CNTN3: variants seen among roughly 807,000 people sequenced by gnomAD.
The protein encoded by CNTN3 is contactin 3.
In CNTN3, 60 loss-of-function variants were observed where a neutral mutation model predicts 119.1. That is an observed-to-expected ratio of 0.50 (90% CI 0.41 to 0.62). The LOEUF is 0.62. Ranked by LOEUF, CNTN3 falls within the 20% of genes least tolerant of loss-of-function variation. The pLI is 0.00. For missense variants in CNTN3, 1,101 were observed against 1,242.4 expected, an observed-to-expected ratio of 0.89 and a Z score of 1.71; for synonymous variants, 450 against 438.7, an observed-to-expected ratio of 1.03 and a Z score of -0.32.
chr3:74,285,325 T>C lies in CNTN3; in HGVS notation c.2684A>G (p.Asn895Ser), dbSNP rs556456657. 1.4e-5 allele frequency: 22 copies of C among 1,608,078 alleles called. No homozygotes were observed. In the African/African-American group the frequency reaches 2.6e-4, roughly 19 times the overall value. ...CTTACGCGTTTTCTTGGTGGTTACA[T>C]TAACTGTGGCGCTAAAAGGCCCAGC... ...AGAGPFSATV[N>S]VTTKKTPPSQ... Residue 895 changes from asparagine (N) to serine (S), a missense_variant, in exon 20 of 23, where the codon AAT (asparagine) becomes AGT (serine). Coordinates refer to ENST00000263665, the MANE Select transcript of CNTN3 (RefSeq NM_020872.3).
intron 11 of CNTN3, among the ~76,000 whole-genome samples, chr3:74,353,198 A>T (rs1703856090): frequency 6.6e-6 from 1 of 151,474 alleles, no homozygotes; most frequent in Non-Finnish European, 1.5e-5. Context: ...ATAGTGACAG[A>T]GTTTCTAGAC....
At chr3:74,389,816 A>G (rs926723218) in intron 5 of CNTN3, among the ~76,000 whole-genome samples, 2 of 152,132 alleles carry the variant, frequency 1.3e-5, no homozygotes, top group Non-Finnish European at 2.9e-5. Flanking sequence ...TCTCCTTCCT[A>G]AATCCAAGCT....
At chr3:74,458,554 A>C (rs1046501949) in intron 4 of CNTN3, among the ~76,000 whole-genome samples, 1 of 152,060 alleles carries the variant, frequency 6.6e-6, no homozygotes, top group Admixed American at 6.6e-5. Context: ...AGAACTCAGT[A>C]GCTATGAGAC....
chr3:74,430,913 G>C (rs969720420), intron 4 of CNTN3, among the ~76,000 whole-genome samples: 1 of 151,906 alleles, frequency 6.6e-6, no homozygotes, highest in Non-Finnish European at 1.5e-5. Context: ...GAAGTGGCTT[G>C]CTGACCCCGC....
intron 2 of CNTN3, among the ~76,000 whole-genome samples, chr3:74,501,697 C>T (rs1703169306): frequency 6.6e-6 from 1 of 152,058 alleles, no homozygotes; most frequent in African/African-American, 2.4e-5. Flanking sequence ...CCTTACTAAT[C>T]CCCACCATCC....
At chr3:74,583,273 T>C (rs758359549) in intron 1 of CNTN3, among the ~76,000 whole-genome samples, 20 of 151,722 alleles carry the variant, frequency 1.3e-4, no homozygotes, top group Non-Finnish European at 2.5e-4. Flanking sequence ...TAAGTAAACA[T>C]AAGTCAAACA....
intron 11 of CNTN3, among the ~76,000 whole-genome samples, chr3:74,354,158 A>T (rs1703880849): frequency 6.6e-6 from 1 of 152,134 alleles, no homozygotes. Context: ...CATATTTGGA[A>T]AAAAATTCAC....
intron 1 of CNTN3, among the ~76,000 whole-genome samples, chr3:74,581,493 G>T (rs2106668538): frequency 6.6e-6 from 1 of 152,252 alleles, no homozygotes; most frequent in African/African-American, 2.4e-5. Flanking sequence ...TAAATGAAGA[G>T]AGATGCTATG....
intron 4 of CNTN3, among the ~76,000 whole-genome samples, chr3:74,465,149 T>C (rs1702438317): frequency 6.6e-6 from 1 of 152,234 alleles, no homozygotes; most frequent in African/African-American, 2.4e-5. Context: ...CAGTTTCCTA[T>C]TAAAACTAAC....
intron 1 of CNTN3, among the ~76,000 whole-genome samples, chr3:74,607,501 CA>C (rs1276381436): frequency 6.6e-6 from 1 of 152,178 alleles, no homozygotes. Context: ...CTAGTGGCAT[CA>C]AAATCCTGCC....
intron 13 of CNTN3, among the ~76,000 whole-genome samples, chr3:74,323,457 G>A (rs886855090): frequency 1.3e-5 from 2 of 152,132 alleles, no homozygotes; most frequent in Non-Finnish European, 2.9e-5. Flanking sequence ...TGGGGATTTC[G>A]AAAGTTCTGG....
intron 20 of CNTN3, among the ~76,000 whole-genome samples, chr3:74,280,478 A>G (rs1406065191): frequency 6.6e-6 from 1 of 152,188 alleles, no homozygotes; most frequent in East Asian, 1.9e-4. Context: ...AGATGAATCA[A>G]TGAGAAGCCT....
intron 5 of CNTN3, among the ~76,000 whole-genome samples, chr3:74,383,236 A>AT (rs147440164): frequency 0.025 from 3,745 of 152,196 alleles, 143 homozygotes; most frequent in African/African-American, 0.083. Context: ...TCTAAAAATA[A>AT]TTTCTAGTAG....
intron 16 of CNTN3, among the ~76,000 whole-genome samples, chr3:74,301,126 T>G (rs1180142527): frequency 1.3e-5 from 2 of 152,178 alleles, no homozygotes; most frequent in African/African-American, 4.8e-5. Flanking sequence ...AGACAGTAAT[T>G]ATAACCTTAA....
intron 2 of CNTN3, among the ~76,000 whole-genome samples, chr3:74,513,858 AAGTAAT>A (rs1703409336): frequency 6.6e-6 from 1 of 152,034 alleles, no homozygotes; most frequent in African/African-American, 2.4e-5. Flanking sequence ...TATAAAGAGA[AAGTAAT>A]AAGTCAAATG....
intron 13 of CNTN3, 70 bp from the exon 14 acceptor site, chr3:74,302,877 G>C: frequency 1.0e-6 from 1 of 967,140 alleles, no homozygotes; most frequent in Non-Finnish European, 1.6e-6. Context: ...GAAGTCTATG[G>C]CCAAAAACAA....
intron 5 of CNTN3, among the ~76,000 whole-genome samples, chr3:74,398,971 ATAGT>A (rs1384612861): frequency 5.9e-5 from 9 of 152,218 alleles, no homozygotes; most frequent in Non-Finnish European, 4.4e-5. Context: ...TCGGATCAAG[ATAGT>A]TAGCATATCT....
intron 3 of CNTN3, among the ~76,000 whole-genome samples, chr3:74,487,963 A>G (rs1702888452): frequency 6.7e-6 from 1 of 148,580 alleles, no homozygotes; most frequent in African/African-American, 2.5e-5. Flanking sequence ...TATAATGTAT[A>G]ATACATTAAA....
intron 1 of CNTN3, among the ~76,000 whole-genome samples, chr3:74,609,278 C>G (rs1289981356): frequency 6.6e-6 from 1 of 152,122 alleles, no homozygotes; most frequent in Non-Finnish European, 1.5e-5. Flanking sequence ...AGGGGTCGGC[C>G]TCATGGATTA....
Sources: gnomAD v4.1 joint callset for allele counts (sites outside exome capture counted in the v4.1 genomes callset) on GRCh38, gnomAD v4.1.1 for gene constraint, MANE v1.5 for transcripts, NCBI Gene and HGNC (gene_info 2026-07-23, HGNC 2026-07-21) for gene names.